The following NEK3 variants were observed in gnomAD, a reference collection of about 807,000 sequenced individuals.
The protein encoded by NEK3 is serine/threonine-protein kinase Nek3.
A neutral mutation model predicts 66.0 loss-of-function variants in NEK3; 54 were observed. The observed-to-expected ratio is 0.82, with a 90% CI of 0.66 to 1.03. The LOEUF is 1.03. NEK3 is among the 50% of genes least tolerant of loss of function. The pLI is 0.00. For synonymous variants in NEK3, 200 were observed against 206.2 expected (o/e 0.97, Z 0.26); for missense variants, 593 against 603.0 (o/e 0.98, Z 0.17).
Position 52,133,835 on chromosome 13 carries a change from A to G in NEK3, c.1310-20T>C. ...CTGAACCTTCAGGAGATATTAACAG[A>G]AAATATACCAATTTAAACAGTATTT... On this transcript the variant is annotated intron_variant, in intron 14 of 15. Transcript: ENST00000610828. 6.3e-7 allele frequency: 1 copy of G among 1,582,526 alleles called. No homozygotes were observed. The highest frequency in any genetic ancestry group is 8.6e-7 in the Non-Finnish European group (1 of 1,163,104).
intron 2 of NEK3, among the ~76,000 whole-genome samples, chr13:52,155,104 G>A (rs553601265): frequency 6.6e-6 from 1 of 152,062 alleles, no homozygotes; most frequent in East Asian, 1.9e-4. Context: ...GAAGCCTGGG[G>A]GTGGAGCACA....
At chr13:52,149,109 C>T (rs757213236) in intron 7 of NEK3, among the ~76,000 whole-genome samples, 18 of 151,956 alleles carry the variant, frequency 1.2e-4, no homozygotes, top group Middle Eastern at 6.8e-3. Context: ...CCGTGTTAGC[C>T]AGGATGGTCT....
At chr13:52,159,052 G>GT (rs1294084246) in intron 1 of NEK3, 1 of 152,212 alleles carries the variant, frequency 6.6e-6, no homozygotes, top group Non-Finnish European at 1.5e-5. Flanking sequence ...CCGGTCAACT[G>GT]TTTCAGTTCC....
At chr13:52,136,004 C>T in intron 13 of NEK3, 112 bp downstream of exon 13, 1 of 1,498,736 alleles carries the variant, frequency 6.7e-7, no homozygotes, top group Non-Finnish European at 9.1e-7. Flanking sequence ...GAGCAATGCT[C>T]TGATGTGTGA....
Position 52,156,135 on chromosome 13 carries a change from A to G in NEK3, c.57T>C (p.Leu19=). Residue 19 remains leucine (L), a synonymous_variant, in exon 2 of 16, where the codon CTT becomes CTC. Coordinates refer to ENST00000610828, the MANE Select transcript of NEK3 (RefSeq NM_002498.3). ...MIGEGSFGRA[L]LVQHESSNQM... Reference sequence around the variant, plus strand: ...GATTACTGCTTTCATGCTGAACCAAAAGAGCTCTGCCGAAGGAGCCCTCCC... The same window carrying G: ...GATTACTGCTTTCATGCTGAACCAAGAGAGCTCTGCCGAAGGAGCCCTCCC... The G allele has an allele frequency of 6.2e-7, 1 of 1,608,280 alleles. No individual in the cohort carries two copies. The highest frequency in any genetic ancestry group is 8.5e-7 in the Non-Finnish European group (1 of 1,177,238).
At chr13:52,145,432 T>C (rs982710269) in intron 8 of NEK3, among the ~76,000 whole-genome samples, 1 of 151,986 alleles carries the variant, frequency 6.6e-6, no homozygotes, top group Non-Finnish European at 1.5e-5. Context: ...GCCTCCCAAA[T>C]AGCTGGGACT....
intron 12 of NEK3, 29 bp downstream of exon 12, chr13:52,136,771 A>G: frequency 6.9e-7 from 1 of 1,459,420 alleles, no homozygotes; most frequent in Non-Finnish European, 9.3e-7. Flanking sequence ...CTCCTCACCT[A>G]AGAAATGATT....
intron 14 of NEK3, among the ~76,000 whole-genome samples, chr13:52,134,357 A>T (rs922703585): frequency 6.6e-6 from 1 of 152,298 alleles, no homozygotes; most frequent in East Asian, 1.9e-4. Context: ...AGAAAAAAAA[A>T]ACTCGGAAAA....
rs755940026 is a variant in NEK3 at position 52,151,230 on chromosome 13, G to A, written c.464C>T (p.Pro155Leu). Residue 155 changes from proline to leucine, a missense_variant and splice_region_variant, in exon 7 of 16, where the codon CCG becomes CTG. Pro to Leu is a moderately conservative substitution (Grantham distance 98). Transcript: ENST00000610828. ...CACATAGGTACAAGCAAATGCCATCGGACTAAAACCATAAAAAGGCAACGA... is the reference window on the plus strand; with the variant it reads ...CACATAGGTACAAGCAAATGCCATCAGACTAAAACCATAAAAAGGCAACGA... The part of the protein sequence containing the change: ...DFGSARLLSN[P>L]MAFACTYVGT... 13 of 1,606,830 alleles carry A rather than the reference G, an allele frequency of 8.1e-6. No individual in the cohort carries two copies. Among genetic ancestry groups the A allele is most frequent in the Admixed American group, 3.4e-5 (2 of 58,786 alleles).
intron 5 of NEK3, among the ~76,000 whole-genome samples, chr13:52,152,130 C>T (rs1956352156): frequency 6.6e-6 from 1 of 152,178 alleles, no homozygotes; most frequent in East Asian, 1.9e-4. Context: ...GACTTTTTCT[C>T]AGGTGTTACC....
chr13:52,155,971 G>C (rs1297021298), intron 2 of NEK3, 104 bp downstream of exon 2: 1 of 637,740 alleles, frequency 1.6e-6, no homozygotes, highest in Non-Finnish European at 2.6e-6. Context: ...ACCTCCCAAA[G>C]TGCTGGGATT....
Position 52,153,948 on chromosome 13 carries a change from C to A in NEK3, c.256G>T (p.Asp86Tyr). 1.2e-6 allele frequency: 2 copies of A among 1,612,922 alleles called. No individual in the cohort carries two copies. Among genetic ancestry groups the A allele is most frequent in the South Asian group, 2.2e-5 (2 of 91,032 alleles). ...YIVMEYCDGG[D>Y]LMQKIKQQKG... is the part of the protein sequence containing the mutation. The stretch of plus-strand genomic sequence containing the variant: ...TGCTGTTTAATCTTTTGCATTAGAT[C>A]CCCTCCATCACAGTATTCCATCACA... Residue 86 changes from aspartate (D) to tyrosine (Y), a missense_variant, in exon 4 of 16, where the codon GAT becomes TAT. Coordinates refer to ENST00000610828, the MANE Select transcript of NEK3 (RefSeq NM_002498.3).
intron 11 of NEK3, among the ~76,000 whole-genome samples, chr13:52,139,561 T>G (rs1956230668): frequency 6.6e-6 from 1 of 152,162 alleles, no homozygotes; most frequent in Non-Finnish European, 1.5e-5. Flanking sequence ...CAGAATTGGC[T>G]AAAATGGCAT....
intron 11 of NEK3, 110 bp downstream of exon 11, chr13:52,140,910 G>T: frequency 1.3e-6 from 1 of 791,330 alleles, no homozygotes; most frequent in Non-Finnish European, 1.9e-6. Context: ...CCGCCTCCAG[G>T]TTCACTTGAT....
Position 52,133,644 on chromosome 13 carries a change from CA to C in NEK3, c.1436+44del, listed in dbSNP as rs1379875160. ...ACACACACACACACACACACACACA[CA>C]CCCCCAACCCCAGCTACAGCTTTCT... On this transcript the variant is annotated intron_variant, in intron 15 of 15. Transcript: ENST00000610828. 3.1e-5 allele frequency: 48 copies of C among 1,542,176 alleles called. No homozygotes were observed. The African/African-American group carries it at 4.2e-4, about 13-fold the overall frequency.
At chr13:52,151,481 G>T in intron 5 of NEK3, 89 bp from the exon 6 acceptor site, 1 of 1,182,592 alleles carries the variant, frequency 8.5e-7, no homozygotes, top group Non-Finnish European at 1.2e-6. Context: ...TGATGATGGA[G>T]ATTAAGGCTA....
At position 52,141,077 on chromosome 13, in the gene NEK3, AAG is replaced by A. The variant is rs747418647; in HGVS notation, c.878-10_878-9del. 2.0e-5 allele frequency: 32 copies of A among 1,594,452 alleles called. No homozygotes were observed. Among genetic ancestry groups the A allele is most frequent in the Admixed American group, 5.3e-5 (3 of 57,094 alleles). On this transcript the variant is annotated splice_polypyrimidine_tract_variant and intron_variant, in intron 10 of 15. Transcript: ENST00000610828. ...TGATTCTGCTGGGGTTTGCTTTTAA[AAG>A]AGAGAGAGAAGGTAGAAAGATAAAA...
rs769433708 is a variant in NEK3 at position 52,137,804 on chromosome 13, T to C, written c.928-902A>G. Among the ~76,000 whole-genome samples, 3 of 152,368 alleles carry C rather than the reference T, an allele frequency of 2.0e-5. 1 individual carries two copies. Among genetic ancestry groups the C allele is most frequent in the South Asian group, 4.1e-4 (2 of 4,828 alleles). On this transcript the variant is annotated intron_variant, in intron 11 of 15. Transcript: ENST00000610828. ...CCTCTGGGCGCTATTCAACTCTGCC[T>C]TCATTGCCATCGTCCTTTGCTGGCC...
chr13:52,137,994 A>C (rs767625837), intron 11 of NEK3, among the ~76,000 whole-genome samples: 16 of 152,210 alleles, frequency 1.1e-4, no homozygotes, highest in Non-Finnish European at 2.2e-4. Flanking sequence ...TCATCTGCAA[A>C]GGGCACAAGG....
Sources: gnomAD v4.1 joint callset for allele counts (sites outside exome capture counted in the v4.1 genomes callset) on GRCh38, gnomAD v4.1.1 for gene constraint, MANE v1.5 for transcripts, NCBI Gene and HGNC (gene_info 2026-07-23, HGNC 2026-07-21) for gene names.